NELL1: variants seen among roughly 807,000 people sequenced by gnomAD.
NELL1 encodes the protein neural EGFL like 1.
A neutral mutation model predicts 107.4 loss-of-function variants in NELL1; 76 were observed. The ratio of observed to expected loss-of-function variants is 0.71; its 90% CI spans 0.59 to 0.86. The LOEUF is 0.86. Ranked by LOEUF, NELL1 falls within the 40% of genes least tolerant of loss-of-function variation. The pLI, the probability that NELL1 is intolerant of heterozygous loss-of-function variation, is 0.00. For missense variants in NELL1, 1,024 were observed against 1,005.5 expected (o/e 1.02, Z -0.25); for synonymous variants, 353 against 341.2 (o/e 1.03, Z -0.38).
chr11:21,559,007 G>A (rs1856789086), intron 16 of NELL1, among the ~76,000 whole-genome samples: 1 of 152,018 alleles, frequency 6.6e-6, no homozygotes, highest in Admixed American at 6.6e-5. Context: ...CATAATTTGG[G>A]ATCTTTTCTA....
chr11:21,206,460 A>C (rs1395808015), intron 13 of NELL1, among the ~76,000 whole-genome samples: 2 of 152,202 alleles, frequency 1.3e-5, no homozygotes, highest in Non-Finnish European at 1.5e-5. Flanking sequence ...GTGTATACAA[A>C]TTTGGGGGTG....
Position 21,377,327 on chromosome 11 carries a change from G to T in NELL1, c.1645+6379G>T, listed in dbSNP as rs539609963. On this transcript the variant is annotated intron_variant, in intron 15 of 19. Transcript: ENST00000357134. ...TCATATGGTTTTCATTTTTAATTCTGTTTATGTATTGAATAACATTTATTG... is the reference window on the plus strand; with the variant it reads ...TCATATGGTTTTCATTTTTAATTCTTTTTATGTATTGAATAACATTTATTG... 5.9e-3 allele frequency among the ~76,000 whole-genome samples: 896 copies of T among 152,120 alleles called. 3 individuals carry two copies. Among genetic ancestry groups the T allele is most frequent in the Middle Eastern group, 0.024 (7 of 294 alleles).
chr11:20,968,356 A>AAGGAAGGAAGGAAGG (rs1851427104), intron 12 of NELL1, among the ~76,000 whole-genome samples: 13 of 151,276 alleles, frequency 8.6e-5, no homozygotes, highest in African/African-American at 2.9e-4. Flanking sequence ...TTAAAGAAAG[A>AAGGAAGGAAGGAAGG]AAGGAAGGAA....
intron 2 of NELL1, among the ~76,000 whole-genome samples, chr11:20,722,019 C>CTTTT (rs34558225): frequency 3.8e-4 from 10 of 26,010 alleles, no homozygotes; most frequent in African/African-American, 5.2e-4. Flanking sequence ...CTGAGTCTCT[C>CTTTT]TTTTTTTTTT....
chr11:21,386,381 A>G (rs1326642373), intron 15 of NELL1, among the ~76,000 whole-genome samples: 1 of 151,844 alleles, frequency 6.6e-6, no homozygotes, highest in East Asian at 2.0e-4. Context: ...AAGCATTAAC[A>G]TCTTTTTTTA....
intron 14 of NELL1, among the ~76,000 whole-genome samples, chr11:21,291,718 T>A (rs766735996): frequency 2.0e-5 from 3 of 151,538 alleles, no homozygotes; most frequent in Non-Finnish European, 4.4e-5. Flanking sequence ...CATCAAAAAG[T>A]TTATCCACCA....
chr11:21,344,552 T>C, intron 14 of NELL1, among the ~76,000 whole-genome samples: 1 of 152,114 alleles, frequency 6.6e-6, no homozygotes, highest in East Asian at 1.9e-4. Flanking sequence ...CAGTATCCTG[T>C]ATGTGCATAA....
chr11:20,825,180 C>A (rs796357979), intron 3 of NELL1, among the ~76,000 whole-genome samples: 7 of 151,478 alleles, frequency 4.6e-5, no homozygotes, highest in African/African-American at 1.7e-4. Context: ...CCTGCTTATC[C>A]AAGCACAGTT....
At chr11:21,232,501 G>T (rs1858090196) in intron 14 of NELL1, among the ~76,000 whole-genome samples, 2 of 152,136 alleles carry the variant, frequency 1.3e-5, no homozygotes, top group South Asian at 4.1e-4. Context: ...GGAGGAGGTT[G>T]GCAGTTTATG....
intron 12 of NELL1, among the ~76,000 whole-genome samples, chr11:20,967,124 ATTTC>A (rs1298201204): frequency 1.3e-5 from 2 of 152,076 alleles, no homozygotes; most frequent in African/African-American, 4.8e-5. Context: ...AATTTTAGTT[ATTTC>A]TTTGTGACAG....
chr11:20,696,142 C>G (rs1416371668), intron 2 of NELL1, among the ~76,000 whole-genome samples: 2 of 151,922 alleles, frequency 1.3e-5, no homozygotes, highest in Admixed American at 6.6e-5. Flanking sequence ...TTTGTTGTTT[C>G]TGATTGTGCT....
chr11:21,206,483 C>T (rs2133854839), intron 13 of NELL1, among the ~76,000 whole-genome samples: 1 of 152,156 alleles, frequency 6.6e-6, no homozygotes, highest in South Asian at 2.1e-4. Context: ...ACTGTTCAAC[C>T]AAATATGGGT....
intron 2 of NELL1, among the ~76,000 whole-genome samples, chr11:20,747,898 T>G (rs1203403073): frequency 6.6e-6 from 1 of 152,172 alleles, no homozygotes; most frequent in African/African-American, 2.4e-5. Flanking sequence ...TGTGTCTTCA[T>G]TTGTTCTGTC....
chr11:21,131,521 A>G (rs990616680), intron 13 of NELL1, among the ~76,000 whole-genome samples: 1 of 152,160 alleles, frequency 6.6e-6, no homozygotes, highest in African/African-American at 2.4e-5. Context: ...ATGGACTTTT[A>G]GAAGTACCAT....
intron 15 of NELL1, among the ~76,000 whole-genome samples, chr11:21,376,792 A>G (rs1168222821): frequency 6.6e-6 from 1 of 151,882 alleles, no homozygotes; most frequent in African/African-American, 2.4e-5. Flanking sequence ...ATTTCGAGGT[A>G]TATTTTTGTG....
Position 21,180,392 on chromosome 11 carries a change from T to C in NELL1, c.1427-48940T>C, listed in dbSNP as rs189404236. ...ATTACTAATTTGTGCCTGATTCTGTTTGGCATGCTGCTGCTCATGATTTTT... is the reference window on the plus strand; with the variant it reads ...ATTACTAATTTGTGCCTGATTCTGTCTGGCATGCTGCTGCTCATGATTTTT... On this transcript the variant is annotated intron_variant, in intron 13 of 19. Transcript: ENST00000357134. Among the ~76,000 whole-genome samples, 648 of 151,880 alleles carry C rather than the reference T, an allele frequency of 4.3e-3. 20 individuals carry two copies. The highest frequency in any genetic ancestry group is 0.015 in the African/African-American group (621 of 41,180).
intron 14 of NELL1, among the ~76,000 whole-genome samples, chr11:21,258,176 T>C (rs559130458): frequency 1.3e-5 from 2 of 152,074 alleles, no homozygotes; most frequent in Non-Finnish European, 2.9e-5. Flanking sequence ...AAAAATGTTA[T>C]GTGACTTGCT....
intron 14 of NELL1, among the ~76,000 whole-genome samples, chr11:21,310,448 T>A (rs1849726782): frequency 6.6e-6 from 1 of 152,058 alleles, no homozygotes; most frequent in Admixed American, 6.6e-5. Context: ...ACAAACATGG[T>A]TTCGGTCCTC....
intron 2 of NELL1, among the ~76,000 whole-genome samples, chr11:20,720,499 G>A (rs558989186): frequency 9.9e-5 from 15 of 152,220 alleles, no homozygotes; most frequent in South Asian, 4.1e-4. Flanking sequence ...GAGCCACTGT[G>A]CCCAGCCTCT....
Sources: gnomAD v4.1 joint callset for allele counts (sites outside exome capture counted in the v4.1 genomes callset) on GRCh38, gnomAD v4.1.1 for gene constraint, MANE v1.5 for transcripts, NCBI Gene and HGNC (gene_info 2026-07-23, HGNC 2026-07-21) for gene names.